Variants in LRRC74A observed in about 807,000 individuals in gnomAD.
The protein encoded by LRRC74A is leucine rich repeat containing 74A.
Under a neutral mutation model 57.9 loss-of-function variants are expected in LRRC74A, and 44 were observed. The ratio of observed to expected loss-of-function variants is 0.76; its 90% confidence interval spans 0.60 to 0.98. LRRC74A has a LOEUF of 0.98. Among genes scored for constraint, LRRC74A ranks in the 50% least tolerant of loss-of-function variants. LRRC74A has a pLI of 0.00. For synonymous variants in LRRC74A, 211 were observed against 219.4 expected (o/e 0.96, Z 0.34); for missense variants, 572 against 574.0 (o/e 1.00, Z 0.04).
chr14:76,866,836 C>A (rs1047196543), intron 12 of LRRC74A, among the ~76,000 whole-genome samples: 8 of 150,956 alleles, frequency 5.3e-5, no homozygotes, highest in African/African-American at 1.7e-4. Flanking sequence ...TTTTCCAGCC[C>A]CTCCATGCTG....
intron 11 of LRRC74A, 90 bp from the exon 12 acceptor site, chr14:76,865,877 CA>C: frequency 9.9e-7 from 1 of 1,008,698 alleles, no homozygotes; most frequent in Non-Finnish European, 1.5e-6. Context: ...GGCCTGGAAG[CA>C]TGGGCCGCTC....
chr14:76,863,566 GC>G (rs1374783846), intron 11 of LRRC74A, among the ~76,000 whole-genome samples: 1 of 152,172 alleles, frequency 6.6e-6, no homozygotes, highest in African/African-American at 2.4e-5. Flanking sequence ...AAGAGCGAAC[GC>G]CCTTCGTGTT....
At chr14:76,847,107 G>A (rs996131458) in intron 7 of LRRC74A, among the ~76,000 whole-genome samples, 3 of 152,142 alleles carry the variant, frequency 2.0e-5, no homozygotes, top group Non-Finnish European at 2.9e-5. Context: ...CCAGAAAAGC[G>A]AGGTGGCAGG....
chr14:76,866,081 C>A lies in LRRC74A; in HGVS notation c.1308+6C>A. On this transcript the variant is annotated splice_donor_region_variant and intron_variant, in intron 12 of 13. Transcript: ENST00000689127. ...TCCAGAAAGTGATGATAGAGGTGTG[C>A]TGGGTCCTAGTGGCAACAGGCTGTG... is the stretch of plus-strand genomic sequence containing the variant. 1 of 1,522,046 alleles carries A rather than the reference C, an allele frequency of 6.6e-7. No homozygotes were observed. Among genetic ancestry groups the A allele is most frequent in the Non-Finnish European group, 9.0e-7 (1 of 1,106,650 alleles). The allele number at this position is 1,522,046 out of a possible 1,614,324, so 94.3% of individuals were successfully genotyped here. A position where few individuals can be genotyped will look rare whatever the true frequency, so the allele number is the denominator to read the frequency against.
intron 10 of LRRC74A, among the ~76,000 whole-genome samples, chr14:76,859,633 C>T (rs114240065): frequency 4.8e-5 from 7 of 146,438 alleles, no homozygotes; most frequent in African/African-American, 1.8e-4. Flanking sequence ...ACTTAATAAG[C>T]CTACCAGAAC....
At chr14:76,827,807 T>A (rs1229985618) in intron 1 of LRRC74A, among the ~76,000 whole-genome samples, 1 of 152,240 alleles carries the variant, frequency 6.6e-6, no homozygotes, top group African/African-American at 2.4e-5. Context: ...TCTCTGGAAC[T>A]GCTCCTGGTC....
intron 7 of LRRC74A, among the ~76,000 whole-genome samples, chr14:76,848,518 G>A (rs971745254): frequency 1.3e-5 from 2 of 152,096 alleles, no homozygotes; most frequent in Non-Finnish European, 2.9e-5. Flanking sequence ...ATCGTAAGCT[G>A]TGATCATGCC....
At chr14:76,869,962 A>T (rs917011470) in intron 13 of LRRC74A, among the ~76,000 whole-genome samples, 163 bp from the exon 14 acceptor site, 1 of 152,184 alleles carries the variant, frequency 6.6e-6, no homozygotes, top group African/African-American at 2.4e-5. Flanking sequence ...ACACATGCAC[A>T]CATGTGTAGT....
intron 7 of LRRC74A, 85 bp from the exon 8 acceptor site, chr14:76,852,280 C>T: frequency 9.9e-7 from 1 of 1,006,424 alleles, no homozygotes; most frequent in Non-Finnish European, 1.5e-6. Context: ...TGGTCTTTAT[C>T]CCCAGTGTCA....
chr14:76,859,475 G>C (rs1034199181), intron 10 of LRRC74A, among the ~76,000 whole-genome samples: 2 of 144,118 alleles, frequency 1.4e-5, no homozygotes, highest in African/African-American at 5.2e-5. Context: ...CAGAGGTTGT[G>C]ATAAGCCAAG....
At chr14:76,861,264 C>T (rs1035820822) in intron 11 of LRRC74A, among the ~76,000 whole-genome samples, 1 of 152,214 alleles carries the variant, frequency 6.6e-6, no homozygotes, top group Admixed American at 6.5e-5. Context: ...TAGAAGGATG[C>T]CTGGTATAGA....
At chr14:76,868,894 C>T (rs541902557) in intron 13 of LRRC74A, among the ~76,000 whole-genome samples, 3 of 152,330 alleles carry the variant, frequency 2.0e-5, no homozygotes, top group South Asian at 2.1e-4. Context: ...GAGATAACCG[C>T]GGCACCTGGG....
At chr14:76,838,718 G>C (rs1163053243) in intron 5 of LRRC74A, among the ~76,000 whole-genome samples, 1 of 152,190 alleles carries the variant, frequency 6.6e-6, no homozygotes, top group Non-Finnish European at 1.5e-5. Context: ...ACACAGAGAA[G>C]ATCTGAAGAG....
At chr14:76,847,603 G>T (rs940510046) in intron 7 of LRRC74A, among the ~76,000 whole-genome samples, 1 of 151,968 alleles carries the variant, frequency 6.6e-6, no homozygotes, top group African/African-American at 2.4e-5. Flanking sequence ...TAATACTTGG[G>T]TGATGAAATA....
chr14:76,836,415 G>T (rs1036371009), intron 4 of LRRC74A, 101 bp downstream of exon 4: 21 of 756,248 alleles, frequency 2.8e-5, no homozygotes, highest in African/African-American at 5.2e-5. Flanking sequence ...CTGCCTCCAG[G>T]CTCCTGCCCG....
At chr14:76,841,243 T>C (rs1427101490) in intron 5 of LRRC74A, among the ~76,000 whole-genome samples, 1 of 152,060 alleles carries the variant, frequency 6.6e-6, no homozygotes, top group Non-Finnish European at 1.5e-5. Flanking sequence ...AGTTTTGCCA[T>C]GTTGGCCAGG....
chr14:76,839,097 A>G (rs1896571264), intron 5 of LRRC74A, among the ~76,000 whole-genome samples: 1 of 152,184 alleles, frequency 6.6e-6, no homozygotes, highest in South Asian at 2.1e-4. Flanking sequence ...TATTTGGGAG[A>G]AAGGAGATTA....
At chr14:76,868,611 C>G (rs1394801316) in intron 13 of LRRC74A, among the ~76,000 whole-genome samples, 1 of 152,142 alleles carries the variant, frequency 6.6e-6, no homozygotes, top group African/African-American at 2.4e-5. Flanking sequence ...GACACAGTTG[C>G]CCCTGCCAAG....
chr14:76,868,433 C>T (rs997668725), intron 13 of LRRC74A, among the ~76,000 whole-genome samples: 1 of 152,222 alleles, frequency 6.6e-6, no homozygotes, highest in Non-Finnish European at 1.5e-5. Flanking sequence ...TGCATCACTG[C>T]ACTTCAGCCT....
Sources: gnomAD v4.1 joint callset for allele counts (sites outside exome capture counted in the v4.1 genomes callset) on GRCh38, gnomAD v4.1.1 for gene constraint, MANE v1.5 for transcripts, NCBI Gene and HGNC (gene_info 2026-07-23, HGNC 2026-07-21) for gene names.